Variants in THAP1 observed in about 807,000 individuals in gnomAD.
THAP1 encodes the protein THAP domain-containing protein 1.
A neutral mutation model predicts 18.2 loss-of-function variants in THAP1; 6 were observed. The ratio of observed to expected loss-of-function variants is 0.33; its 90% CI spans 0.18 to 0.65. The LOEUF is 0.65. Among genes scored for constraint, THAP1 ranks in the 30% least tolerant of loss-of-function variants. The probability of loss-of-function intolerance (pLI) is 0.74; values close to 1 mark genes in which losing one functional copy is unlikely to be tolerated. For synonymous variants in THAP1, 85 were observed against 90.5 expected, an observed-to-expected ratio of 0.94 and a Z score of 0.34; for missense variants, 176 against 253.0, an observed-to-expected ratio of 0.70 and a Z score of 2.06.
At chr8:42,842,130 G>A (rs754405760) in intron 1 of THAP1, among the ~76,000 whole-genome samples, 14 of 152,170 alleles carry the variant, frequency 9.2e-5, no homozygotes, top group Non-Finnish European at 1.9e-4. Context: ...GCGTATAGCT[G>A]TCAGGAATTC....
rs893250848 is a variant in THAP1, at chr8:42,837,827, A to AT, written c.*134dup. ...TTTATAATTTTACAGTATATATAGA[A>AT]TTTTTTTTAAAAAAATATTCTGAAC... On this transcript the variant is annotated 3_prime_UTR_variant, in exon 3 of 3. Transcript: ENST00000254250. 53 of 973,916 alleles carry AT rather than the reference A, an allele frequency of 5.4e-5. No individual in the cohort carries two copies. Among genetic ancestry groups the AT allele is most frequent in the African/African-American group, 2.3e-4 (14 of 60,026 alleles). 60.3% of individuals were successfully genotyped at this position (973,916 alleles called of 1,614,324 possible). A position where few individuals can be genotyped will look rare whatever the true frequency, so the allele number is the denominator to read the frequency against.
At chr8:42,841,629 C>G (rs1427360166) in intron 1 of THAP1, among the ~76,000 whole-genome samples, 1 of 152,190 alleles carries the variant, frequency 6.6e-6, no homozygotes, top group Non-Finnish European at 1.5e-5. Flanking sequence ...CCTCTTTAAA[C>G]TAGTTTCCAG....
intron 1 of THAP1, among the ~76,000 whole-genome samples, chr8:42,841,124 G>A (rs1802709483): frequency 6.6e-6 from 1 of 151,608 alleles, no homozygotes; most frequent in Non-Finnish European, 1.5e-5. Context: ...TCAGTACCTA[G>A]GGCCTCCTGG....
chr8:42,840,106 G>A (rs1034179287), intron 1 of THAP1, among the ~76,000 whole-genome samples: 2 of 152,132 alleles, frequency 1.3e-5, no homozygotes, highest in African/African-American at 4.8e-5. Flanking sequence ...GAGGTGGAAG[G>A]ACTGCTCGAG....
chr8:42,843,118 C>G lies in THAP1; in HGVS notation c.-24G>C. The stretch of plus-strand genomic sequence containing the variant: ...ATCCTTCCGGTCCTCAGGCACTTCA[C>G]TTCTGCCGCCGCAGAAGGCAGGGGA... On this transcript the variant is annotated 5_prime_UTR_variant, in exon 1 of 3. Coordinates refer to ENST00000254250, the MANE Select transcript of THAP1 (RefSeq NM_018105.3). 6.2e-7 allele frequency: 1 copy of G among 1,613,124 alleles called. No homozygotes were observed. The highest frequency in any genetic ancestry group is 8.5e-7 in the Non-Finnish European group (1 of 1,179,466).
Position 42,838,343 on chromosome 8 carries a change from C to T in THAP1, c.268-7G>A, listed in dbSNP as rs1802654524. 6.2e-7 allele frequency: 1 copy of T among 1,612,880 alleles called. No homozygotes were observed. The highest frequency in any genetic ancestry group is 1.3e-5 in the African/African-American group (1 of 74,882). ...GCTCCAGAAGATCTTCTTTCTAAAA[C>T]AAAAATACAAAGTATGTTTGAATTT... On this transcript the variant is annotated splice_polypyrimidine_tract_variant and splice_region_variant and intron_variant, in intron 2 of 2. Transcript: ENST00000254250.
Position 42,838,003 on chromosome 8 carries a change from G to A in THAP1, c.601C>T (p.Leu201=), listed in dbSNP as rs202165165. Residue 201 remains leucine, a synonymous_variant, in exon 3 of 3, where the codon CTA becomes TTA. Transcript: ENST00000254250. The part of the protein sequence containing the change: ...DDVSERGYVI[L]PNDYFEIVEV... ...ACTATTTCAAAGTAGTCATTTGGTA[G>A]AATCACATAACCTCTTTCTGATACG... 7.9e-5 allele frequency: 127 copies of A among 1,613,678 alleles called. No homozygotes were observed. The highest frequency in any genetic ancestry group is 2.0e-4 in the Admixed American group (12 of 59,942).
chr8:42,843,311 G>A lies in THAP1; in HGVS notation c.-217C>T, dbSNP rs958496070. The A allele has an allele frequency of 1.6e-6, 1 of 617,390 alleles. No individual in the cohort carries two copies. The highest frequency in any genetic ancestry group is 2.9e-6 in the Non-Finnish European group (1 of 339,922). 38.2% of individuals were successfully genotyped at this position (617,390 alleles called of 1,614,324 possible). On this transcript the variant is annotated 5_prime_UTR_variant, in exon 1 of 3. Transcript: ENST00000254250. ...ATCGCCCGTCTCCCATCTCCAAGAT[G>A]GCGGAGGCAGCTTCAACCTCACCTC...
At chr8:42,840,896 G>C (rs1802704270) in intron 1 of THAP1, among the ~76,000 whole-genome samples, 1 of 151,220 alleles carries the variant, frequency 6.6e-6, no homozygotes, top group African/African-American at 2.4e-5. Flanking sequence ...GAACTCGGGA[G>C]GCAGAGGTTG....
At position 42,837,235 on chromosome 8, in the gene THAP1, A is replaced by C. The variant is rs1277847981; in HGVS notation, c.*727T>G. 2.0e-5 allele frequency: 3 copies of C among 152,158 alleles called. No individual in the cohort carries two copies. Among genetic ancestry groups the C allele is most frequent in the Admixed American group, 2.0e-4 (3 of 15,268 alleles). 9.4% of individuals were successfully genotyped at this position (152,158 alleles called of 1,614,324 possible). A position where few individuals can be genotyped will look rare whatever the true frequency, so the allele number is the denominator to read the frequency against. On this transcript the variant is annotated 3_prime_UTR_variant, in exon 3 of 3. Transcript: ENST00000254250. ...ATTACTTCATTGATGACAATGCCTT[A>C]CTTTATTTATTGAAAAATGTTTCTT...
intron 2 of THAP1, 104 bp downstream of exon 2, chr8:42,839,082 G>A: frequency 8.1e-7 from 1 of 1,238,238 alleles, no homozygotes; most frequent in Admixed American, 1.8e-5. Context: ...AAGGTTCCAG[G>A]CACATTTATT....
chr8:42,839,148 A>G (rs1336645481), intron 2 of THAP1, 38 bp downstream of exon 2: 7 of 1,608,730 alleles, frequency 4.4e-6, no homozygotes, highest in Non-Finnish European at 6.0e-6. Context: ...TCAGTTTGAT[A>G]AACAAAAAGC....
At chr8:42,839,472 G>T in intron 1 of THAP1, 91 bp from the exon 2 acceptor site, 1 of 1,238,332 alleles carries the variant, frequency 8.1e-7, no homozygotes, top group Non-Finnish European at 1.2e-6. Flanking sequence ...ATCTTACATT[G>T]GTATTAAAGA....
chr8:42,837,981 A>G lies in THAP1; in HGVS notation c.623T>C (p.Ile208Thr). The G allele has an allele frequency of 1.2e-6, 2 of 1,613,578 alleles. No homozygotes were observed. Among genetic ancestry groups the G allele is most frequent in the Non-Finnish European group, 1.7e-6 (2 of 1,180,006 alleles). Residue 208 changes from isoleucine (I) to threonine (T), a missense_variant, in exon 3 of 3, where the codon ATA becomes ACA. By Grantham distance (89) the Ile-to-Thr change is moderately conservative. Transcript: ENST00000254250. ...YVILPNDYFE[I>T]VEVPA ...ATTTTTTTATGCTGGTACTTCAACTATTTCAAAGTAGTCATTTGGTAGAAT... is the reference window on the plus strand; with the variant it reads ...ATTTTTTTATGCTGGTACTTCAACTGTTTCAAAGTAGTCATTTGGTAGAAT...
chr8:42,841,918 A>G (rs1471288527), intron 1 of THAP1, among the ~76,000 whole-genome samples: 3 of 152,194 alleles, frequency 2.0e-5, no homozygotes, highest in African/African-American at 4.8e-5. Context: ...TCCATCTCAC[A>G]TGATATCAAA....
At position 42,843,240 on chromosome 8, in the gene THAP1, C is replaced by T. The variant is rs1397336499; in HGVS notation, c.-146G>A. On this transcript the variant is annotated 5_prime_UTR_variant, in exon 1 of 3. An upstream open reading frame in the 5' UTR loses its in-frame stop. Coordinates refer to ENST00000254250, the MANE Select transcript of THAP1 (RefSeq NM_018105.3). ...TGATGGTGGCCTCCCTCGGGGGTGA[C>T]TAGTGTGCCCGTTTTGTTGTTTGCA... 2.2e-6 allele frequency: 2 copies of T among 903,988 alleles called. No individual in the cohort carries two copies. Among genetic ancestry groups the T allele is most frequent in the South Asian group, 1.4e-5 (1 of 74,006 alleles). 56.0% of individuals were successfully genotyped at this position (903,988 alleles called of 1,614,324 possible). A position where few individuals can be genotyped will look rare whatever the true frequency, so the allele number is the denominator to read the frequency against.
intron 1 of THAP1, among the ~76,000 whole-genome samples, chr8:42,839,682 G>A (rs1802681094): frequency 6.6e-6 from 1 of 152,108 alleles, no homozygotes; most frequent in Non-Finnish European, 1.5e-5. Flanking sequence ...CAAGTAGCTG[G>A]GACTCAGGCG....
At position 42,837,817 on chromosome 8, in the gene THAP1, T is replaced by C; in HGVS notation, c.*145A>G. On this transcript the variant is annotated 3_prime_UTR_variant, in exon 3 of 3. Coordinates refer to ENST00000254250, the MANE Select transcript of THAP1 (RefSeq NM_018105.3). The stretch of plus-strand genomic sequence containing the variant: ...AACAAAAAAATTTATAATTTTACAG[T>C]ATATATAGAATTTTTTTTAAAAAAA... 1.2e-6 allele frequency: 1 copy of C among 809,042 alleles called. No individual in the cohort carries two copies. Among genetic ancestry groups the C allele is most frequent in the East Asian group, 3.0e-5 (1 of 33,228 alleles). 50.1% of individuals were successfully genotyped at this position (809,042 alleles called of 1,614,324 possible). A position where few individuals can be genotyped will look rare whatever the true frequency, so the allele number is the denominator to read the frequency against.
At chr8:42,840,965 C>CAAAAAAAA (rs1029278824) in intron 1 of THAP1, among the ~76,000 whole-genome samples, 1 of 47,068 alleles carries the variant, frequency 2.1e-5, no homozygotes, top group African/African-American at 7.4e-5. Flanking sequence ...GACTCCATCT[C>CAAAAAAAA]AAAAAAAAAA....
Sources: allele counts gnomAD v4.1 joint callset (sites outside exome capture counted in the v4.1 genomes callset), GRCh38; gene constraint gnomAD v4.1.1; transcripts MANE v1.5; gene names NCBI Gene and HGNC (gene_info 2026-07-23, HGNC 2026-07-21).